Variants in TXLNB observed in about 807,000 individuals in gnomAD.
TXLNB encodes the protein taxilin beta.
Under a neutral mutation model 57.4 loss-of-function variants are expected in TXLNB, and 37 were observed. The observed-to-expected ratio is 0.64, with a 90% CI of 0.50 to 0.85. TXLNB has a LOEUF of 0.85. TXLNB is among the 40% of genes least tolerant of loss of function. The pLI, the probability that TXLNB is intolerant of heterozygous loss-of-function variation, is 0.00. For missense variants in TXLNB, 848 were observed against 825.6 expected, an observed-to-expected ratio of 1.03 and a Z score of -0.33; for synonymous variants, 302 against 309.6, an observed-to-expected ratio of 0.98 and a Z score of 0.26.
At chr6:139,168,686 A>G in the TXLNB span, among the ~76,000 whole-genome samples, 52 of 151,870 alleles carry the variant, frequency 3.4e-4, no homozygotes, top group African/African-American at 1.2e-3. Context: ...CTAGATCTCA[A>G]TATTTTATTT....
chr6:139,179,823 A>G, the TXLNB span: 2 of 152,208 alleles, frequency 1.3e-5, no homozygotes, highest in Admixed American at 1.3e-4. Flanking sequence ...AAGAGATCCA[A>G]TTTGTTTTTC....
At chr6:139,211,638 T>C in the TXLNB span, among the ~76,000 whole-genome samples, 1 of 152,146 alleles carries the variant, frequency 6.6e-6, no homozygotes, top group Non-Finnish European at 1.5e-5. Context: ...GAGAATGACT[T>C]TGACGAGTTG....
At position 139,260,370 on chromosome 6, in the gene TXLNB, G is replaced by A; in HGVS notation, c.950C>T (p.Ala317Val). 1 of 1,613,952 alleles carries A rather than the reference G, an allele frequency of 6.2e-7. No homozygotes were observed. The highest frequency in any genetic ancestry group is 1.1e-5 in the South Asian group (1 of 91,068). ...QKLVDAKLEQ[A>V]QEMMKEAEER... ...CTCCGCTTCCTTCATCATTTCTTGG[G>A]CCTGCTCAAGCTTTGCATCCACCAG... Residue 317 changes from alanine (A) to valine (V), a missense_variant, in exon 6 of 10, where the codon GCC becomes GTC. Transcript: ENST00000358430.
chr6:139,200,154 T>G, the TXLNB span: 3 of 152,324 alleles, frequency 2.0e-5, no homozygotes, highest in African/African-American at 7.2e-5. Context: ...TTCCTCAGGC[T>G]CCCTGGTAAT....
chr6:139,220,719 A>G, the TXLNB span, among the ~76,000 whole-genome samples: 7 of 152,344 alleles, frequency 4.6e-5, no homozygotes, highest in African/African-American at 1.7e-4. Context: ...TTACTTGCCC[A>G]GTTTCAACCG....
rs1287989252 is a variant in TXLNB, at chr6:139,240,675, G to A, written c.*1851C>T. On this transcript the variant is annotated 3_prime_UTR_variant, in exon 10 of 10. Coordinates refer to ENST00000358430, the MANE Select transcript of TXLNB (RefSeq NM_153235.4). ...ATACCCTGTGGTTATAATATTTTAA[G>A]CCTTTAAAAATATACAGATTCTCAA... 6.6e-6 allele frequency: 1 copy of A among 152,624 alleles called. No individual in the cohort carries two copies. Among genetic ancestry groups the A allele is most frequent in the African/African-American group, 2.4e-5 (1 of 41,468 alleles). 9.5% of individuals were successfully genotyped at this position (152,624 alleles called of 1,614,324 possible). A position where few individuals can be genotyped will look rare whatever the true frequency, so the allele number is the denominator to read the frequency against.
chr6:139,306,703 C>T, the TXLNB span, among the ~76,000 whole-genome samples: 3 of 152,244 alleles, frequency 2.0e-5, no homozygotes, highest in African/African-American at 4.8e-5. Flanking sequence ...ACAGTTCATC[C>T]CTGTATTGTT....
At chr6:139,316,299 C>G in the TXLNB span, among the ~76,000 whole-genome samples, 1 of 152,156 alleles carries the variant, frequency 6.6e-6, no homozygotes, top group Non-Finnish European at 1.5e-5. Context: ...ACCAAGAACC[C>G]CCACCTTTAA....
At chr6:139,247,768 T>G (rs1776101489) in intron 8 of TXLNB, 49 bp downstream of exon 8, 1 of 1,358,824 alleles carries the variant, frequency 7.4e-7, no homozygotes, top group South Asian at 1.3e-5. Flanking sequence ...GAAATTTGCC[T>G]GTCAAAATAG....
intron 7 of TXLNB, chr6:139,255,298 T>C (rs1776307212): frequency 3.8e-5 from 18 of 472,286 alleles, no homozygotes; most frequent in South Asian, 2.9e-4. Context: ...GCTGACTCTC[T>C]TGACCACTGT....
chr6:139,259,032 TTTG>T (rs1776415174), intron 6 of TXLNB, among the ~76,000 whole-genome samples: 1 of 152,224 alleles, frequency 6.6e-6, no homozygotes, highest in Non-Finnish European at 1.5e-5. Flanking sequence ...TCCTTTTCTC[TTTG>T]TCACCAGCTT....
At chr6:139,269,529 A>G (rs2114554905) in intron 4 of TXLNB, among the ~76,000 whole-genome samples, 1 of 152,274 alleles carries the variant, frequency 6.6e-6, no homozygotes, top group Non-Finnish European at 1.5e-5. Context: ...CTGGTTCTCC[A>G]TTTCCCAAAT....
chr6:139,178,813 A>G, the TXLNB span: 1 of 152,252 alleles, frequency 6.6e-6, no homozygotes, highest in East Asian at 1.9e-4. Context: ...TGACCTTGTG[A>G]TCTGCCTGCC....
At chr6:139,247,361 C>T (rs1393604501) in intron 8 of TXLNB, among the ~76,000 whole-genome samples, 2 of 151,672 alleles carry the variant, frequency 1.3e-5, no homozygotes, top group African/African-American at 4.8e-5. Context: ...AGGCTGGTCT[C>T]GAACTCCTGA....
In TXLNB at chr6:139,241,811, A is replaced by C. The variant is rs1352133032; in HGVS notation, c.*715T>G. ...ACTTATTTTTGCCCAACATAATGATAGCCTAAATACTTATAGTCCGAACTC... is the reference window on the plus strand; with the variant it reads ...ACTTATTTTTGCCCAACATAATGATCGCCTAAATACTTATAGTCCGAACTC... On this transcript the variant is annotated 3_prime_UTR_variant, in exon 10 of 10. Coordinates refer to ENST00000358430, the MANE Select transcript of TXLNB (RefSeq NM_153235.4). The C allele has an allele frequency of 6.6e-6, 1 of 152,240 alleles. No homozygotes were observed. The highest frequency in any genetic ancestry group is 1.9e-4 in the East Asian group (1 of 5,202). The allele number at this position is 152,240 out of a possible 1,614,324, so 9.4% of individuals were successfully genotyped here. A position where few individuals can be genotyped will look rare whatever the true frequency, so the allele number is the denominator to read the frequency against.
chr6:139,243,321 T>C lies in TXLNB; in HGVS notation c.1267-7A>G. On this transcript the variant is annotated splice_region_variant and splice_polypyrimidine_tract_variant and intron_variant, in intron 9 of 9. Transcript: ENST00000358430. Reference sequence around the variant, plus strand: ...CTTTAGCTCTCAGTGCTTTCTGTGATGTGAAAACACACGCACATACACACA... The same window carrying C: ...CTTTAGCTCTCAGTGCTTTCTGTGACGTGAAAACACACGCACATACACACA... 2.5e-6 allele frequency: 4 copies of C among 1,602,456 alleles called. No individual in the cohort carries two copies. Among genetic ancestry groups the C allele is most frequent in the South Asian group, 1.1e-5 (1 of 90,518 alleles).
At chr6:139,186,727 C>G in the TXLNB span, among the ~76,000 whole-genome samples, 1 of 152,174 alleles carries the variant, frequency 6.6e-6, no homozygotes, top group East Asian at 1.9e-4. Context: ...AAATACCCAT[C>G]AACAGAAGAA....
Position 139,288,618 on chromosome 6 carries a change from T to C in TXLNB, c.282A>G (p.Ser94=), listed in dbSNP as rs6933125. 0.016 allele frequency: 26,155 copies of C among 1,614,160 alleles called. 1,436 individuals are homozygous for C. The highest frequency in any genetic ancestry group is 0.15 in the African/African-American group (11,102 of 75,002). The part of the protein sequence containing the change: ...RASEQPENAE[S]PDNEDGDCEE... The stretch of plus-strand genomic sequence containing the variant: ...CACAGTCCCCATCCTCGTTGTCAGG[T>C]GATTCTGCATTCTCAGGCTGCTCAC... Residue 94 remains serine, a synonymous_variant, in exon 2 of 10, where the codon TCA becomes TCG. Transcript: ENST00000358430.
At chr6:139,295,827 C>T (rs927539878), upstream of TXLNB, among the ~76,000 whole-genome samples, 1 of 152,040 alleles carries the variant, frequency 6.6e-6, no homozygotes, top group African/African-American at 2.4e-5. Context: ...GATTATAGTT[C>T]TATTCATATG....
Sources: gnomAD v4.1 joint callset for allele counts (sites outside exome capture counted in the v4.1 genomes callset) on GRCh38, gnomAD v4.1.1 for gene constraint, MANE v1.5 for transcripts, NCBI Gene and HGNC (gene_info 2026-07-23, HGNC 2026-07-21) for gene names.